The following JAML variants were observed in gnomAD, a reference collection of about 807,000 sequenced individuals.
The protein encoded by JAML is junction adhesion molecule like.
Under a neutral mutation model 39.3 loss-of-function variants are expected in JAML, and 25 were observed. That is an observed-to-expected ratio of 0.64 (90% CI 0.46 to 0.89). The LOEUF (loss-of-function observed/expected upper bound fraction) is 0.89, where lower values mean the gene tolerates loss of function less well. Among genes scored for constraint, JAML ranks in the 40% least tolerant of loss-of-function variants. JAML has a pLI of 0.00. For synonymous variants in JAML, 162 were observed against 179.2 expected, an observed-to-expected ratio of 0.90 and a Z score of 0.77; for missense variants, 440 against 486.9, an observed-to-expected ratio of 0.90 and a Z score of 0.91.
chr11:118,201,364 GAGA>G (rs1209109570), intron 6 of JAML: 1 of 152,270 alleles, frequency 6.6e-6, no homozygotes, highest in African/African-American at 2.4e-5. Flanking sequence ...AGACAATATG[GAGA>G]AGGACAGAGG....
At chr11:118,213,635 A>G (rs1949102210) in intron 2 of JAML, among the ~76,000 whole-genome samples, 1 of 152,254 alleles carries the variant, frequency 6.6e-6, no homozygotes, top group Non-Finnish European at 1.5e-5. Context: ...GTAGAATTAA[A>G]TGAAGGACTG....
At position 118,200,475 on chromosome 11, in the gene JAML, T is replaced by A; in HGVS notation, c.910A>T (p.Ser304Cys). The part of the protein sequence containing the change: ...LIVKKTCGNK[S>C]SVNSTVLVKN... The stretch of plus-strand genomic sequence containing the variant: ...CAAGGGGTGGGGGTAGCCCTGTACC[T>A]CTTATTTCCACAGGTCTTCTTCACG... The change falls in exon 7 of 10, where the codon AGT (serine) becomes TGT (cysteine). Residue 304 changes from serine to cysteine, a missense_variant and splice_region_variant. By Grantham distance (112) the Ser-to-Cys change is moderately radical. Coordinates refer to ENST00000356289, the MANE Select transcript of JAML (RefSeq NM_001098526.2). The A allele has an allele frequency of 1.2e-6, 2 of 1,613,994 alleles. No homozygotes were observed. The highest frequency in any genetic ancestry group is 1.7e-6 in the Non-Finnish European group (2 of 1,179,988).
At chr11:118,195,971 A>G (rs1948644451) in intron 9 of JAML, among the ~76,000 whole-genome samples, 1 of 151,944 alleles carries the variant, frequency 6.6e-6, no homozygotes, top group South Asian at 2.1e-4. Context: ...AGCTGGGATT[A>G]CAGGTGCCCG....
intron 6 of JAML, chr11:118,202,341 G>GA (rs1475169728): frequency 6.6e-6 from 1 of 152,586 alleles, no homozygotes; most frequent in African/African-American, 2.4e-5. Flanking sequence ...TGGAGCTGAA[G>GA]AAAAAAAGAC....
At chr11:118,199,000 TTC>T (rs1219489442) in intron 7 of JAML, among the ~76,000 whole-genome samples, 3 of 152,218 alleles carry the variant, frequency 2.0e-5, no homozygotes, top group Non-Finnish European at 4.4e-5. Context: ...TCATATTATT[TTC>T]TCTTTTATAA....
In JAML at chr11:118,197,891, C is replaced by A. The variant is rs1948692898; in HGVS notation, c.1005+107G>T. On this transcript the variant is annotated intron_variant, in intron 8 of 9. Transcript: ENST00000356289. ...CTGAGTCCCTGCTCTGTGCCAAGCACTGGCCTGCAAGCTGCGACATACAAT... is the reference window on the plus strand; with the variant it reads ...CTGAGTCCCTGCTCTGTGCCAAGCAATGGCCTGCAAGCTGCGACATACAAT... The A allele has an allele frequency of 1.3e-5, 13 of 1,026,424 alleles. No individual in the cohort carries two copies. In the South Asian group the frequency reaches 1.7e-4, roughly 13 times the overall value. 63.6% of individuals were successfully genotyped at this position (1,026,424 alleles called of 1,614,324 possible).
In JAML at chr11:118,203,643, T is replaced by C. The variant is rs1948860366; in HGVS notation, c.557A>G (p.Tyr186Cys). The C allele has an allele frequency of 1.2e-6, 2 of 1,613,406 alleles. No homozygotes were observed. Among genetic ancestry groups the C allele is most frequent in the South Asian group, 1.1e-5 (1 of 91,060 alleles). The change falls in exon 6 of 10, where the codon TAC becomes TGC. Residue 186 changes from tyrosine (Y) to cysteine (C), a missense_variant. Coordinates refer to ENST00000356289, the MANE Select transcript of JAML (RefSeq NM_001098526.2). ...CTCCACAGACATCCTGAGTTTGTGG[T>C]AGTAACGAAATACAATCTCCTCCTA... ...RAKEEIVFRY[Y>C]HKLRMSVEYS...
rs896941133 is a variant in JAML, at chr11:118,210,530, G to A, written c.381C>T (p.Phe127=). The change falls in exon 4 of 10, where the codon TTC becomes TTT. Residue 127 remains phenylalanine (F), a synonymous_variant. Coordinates refer to ENST00000356289, the MANE Select transcript of JAML (RefSeq NM_001098526.2). ...GCACATGCAGTACCACCGCCTTCTT[G>A]AACACCTGGCTCTCCCCTTTGAGGC... ...EIRLKGESQV[F]KKAVVLHVLP... The A allele has an allele frequency of 1.2e-6, 2 of 1,614,014 alleles. No homozygotes were observed. The highest frequency in any genetic ancestry group is 2.7e-5 in the African/African-American group (2 of 74,910).
At chr11:118,224,544 T>C (rs753273858) in intron 1 of JAML, among the ~76,000 whole-genome samples, 6 of 152,110 alleles carry the variant, frequency 3.9e-5, no homozygotes, top group Non-Finnish European at 8.8e-5. Context: ...ACAATAAAAT[T>C]TGTTTAAAAA....
chr11:118,218,972 G>A (rs931539040), intron 1 of JAML, among the ~76,000 whole-genome samples: 1 of 152,064 alleles, frequency 6.6e-6, no homozygotes, highest in African/African-American at 2.4e-5. Context: ...CTCATCTGTT[G>A]GCCAAATATT....
intron 7 of JAML, among the ~76,000 whole-genome samples, chr11:118,198,381 T>C (rs992492031): frequency 6.6e-6 from 1 of 152,154 alleles, no homozygotes; most frequent in Non-Finnish European, 1.5e-5. Context: ...TAATTTTAAG[T>C]GAATGAAGAG....
chr11:118,207,834 C>G (rs1276799328), intron 4 of JAML, among the ~76,000 whole-genome samples: 4 of 152,174 alleles, frequency 2.6e-5, no homozygotes, highest in African/African-American at 9.7e-5. Flanking sequence ...CCATGGATTC[C>G]TCAGCTCTTG....
intron 3 of JAML, among the ~76,000 whole-genome samples, chr11:118,211,283 C>T (rs1949054890): frequency 6.6e-6 from 1 of 152,152 alleles, no homozygotes; most frequent in African/African-American, 2.4e-5. Context: ...TCTTCTGTCA[C>T]CCGGGCTGGA....
intron 4 of JAML, among the ~76,000 whole-genome samples, 182 bp from the exon 5 acceptor site, chr11:118,206,173 G>A (rs1183427600): frequency 6.6e-6 from 1 of 152,108 alleles, no homozygotes; most frequent in Non-Finnish European, 1.5e-5. Flanking sequence ...GATTCCACGT[G>A]GGCAAAGTAC....
chr11:118,194,586 T>C (rs1246718556), intron 9 of JAML, among the ~76,000 whole-genome samples, 169 bp from the exon 10 acceptor site: 2 of 152,192 alleles, frequency 1.3e-5, no homozygotes, highest in Non-Finnish European at 2.9e-5. Flanking sequence ...ATTATTGCCT[T>C]TCTAAGGATA....
At chr11:118,221,427 A>T (rs769474408) in intron 1 of JAML, among the ~76,000 whole-genome samples, 5 of 152,150 alleles carry the variant, frequency 3.3e-5, no homozygotes, top group Admixed American at 6.6e-5. Context: ...TGATTTGGGG[A>T]TGAAACTGTT....
chr11:118,208,637 C>T (rs1948974693), intron 4 of JAML, among the ~76,000 whole-genome samples: 1 of 152,208 alleles, frequency 6.6e-6, no homozygotes, highest in Admixed American at 6.5e-5. Context: ...ATTCTAGTTC[C>T]CTAACTACAT....
intron 1 of JAML, among the ~76,000 whole-genome samples, chr11:118,215,514 A>ATT (rs536537334): frequency 5.5e-5 from 8 of 144,764 alleles, no homozygotes; most frequent in African/African-American, 2.0e-4. Flanking sequence ...CACACTTGCT[A>ATT]TTTTTTTTTT....
intron 3 of JAML, among the ~76,000 whole-genome samples, chr11:118,211,570 C>G (rs1221193630): frequency 6.6e-6 from 1 of 152,106 alleles, no homozygotes; most frequent in Non-Finnish European, 1.5e-5. Context: ...TCTACTTACA[C>G]TATGGGTTTA....
Sources: allele counts gnomAD v4.1 joint callset (sites outside exome capture counted in the v4.1 genomes callset), GRCh38; gene constraint gnomAD v4.1.1; transcripts MANE v1.5; gene names NCBI Gene and HGNC (gene_info 2026-07-23, HGNC 2026-07-21).